The following CPQ variants were observed in gnomAD, a reference collection of about 807,000 sequenced individuals.
CPQ encodes the protein Ser-Met dipeptidase.
CPQ carries 37 observed loss-of-function variants against 45.7 expected under a neutral mutation model. The observed-to-expected ratio is 0.81, with a 90% confidence interval of 0.62 to 1.07. The LOEUF (loss-of-function observed/expected upper bound fraction) is 1.07. CPQ is among the 50% of genes least tolerant of loss of function. The pLI is 0.00. For missense variants in CPQ, 537 were observed against 572.9 expected, an observed-to-expected ratio of 0.94 and a Z score of 0.64; for synonymous variants, 186 against 205.8, an observed-to-expected ratio of 0.90 and a Z score of 0.82.
At chr8:96,730,969 G>T (rs1809906793) in intron 1 of CPQ, among the ~76,000 whole-genome samples, 2 of 147,988 alleles carry the variant, frequency 1.4e-5, no homozygotes, top group South Asian at 4.3e-4. Flanking sequence ...GCATAAAAAA[G>T]ATTAAAGTGG....
At chr8:97,117,996 A>C (rs755447873) in intron 7 of CPQ, among the ~76,000 whole-genome samples, 3 of 152,202 alleles carry the variant, frequency 2.0e-5, no homozygotes, top group Non-Finnish European at 2.9e-5. Flanking sequence ...TGAAGATGTT[A>C]TCTTCAGGCT....
At chr8:96,848,819 C>T (rs1254325292) in intron 3 of CPQ, among the ~76,000 whole-genome samples, 1 of 152,110 alleles carries the variant, frequency 6.6e-6, no homozygotes, top group Non-Finnish European at 1.5e-5. Context: ...TCTAGATCCT[C>T]GTTTTTAGTG....
At chr8:97,081,334 G>A (rs1268937942) in intron 7 of CPQ, among the ~76,000 whole-genome samples, 2 of 152,134 alleles carry the variant, frequency 1.3e-5, no homozygotes, top group African/African-American at 2.4e-5. Context: ...TTTGGCTTGT[G>A]AGCTTCAGTT....
chr8:96,842,116 G>A (rs1811620740), intron 3 of CPQ, among the ~76,000 whole-genome samples: 1 of 152,162 alleles, frequency 6.6e-6, no homozygotes, highest in African/African-American at 2.4e-5. Context: ...AATGTCTTAA[G>A]AGGTCTATTT....
At chr8:96,959,134 G>A (rs1586467484) in intron 4 of CPQ, among the ~76,000 whole-genome samples, 1 of 152,228 alleles carries the variant, frequency 6.6e-6, no homozygotes, top group Admixed American at 6.5e-5. Context: ...TGAAAGCCAA[G>A]GCTTTGTCTC....
intron 7 of CPQ, among the ~76,000 whole-genome samples, chr8:97,079,759 T>G (rs934175547): frequency 1.3e-5 from 2 of 152,138 alleles, no homozygotes; most frequent in Admixed American, 6.6e-5. Context: ...TAATAAAATG[T>G]GCTGGATGTA....
chr8:96,715,227 TG>T (rs1311332936), intron 1 of CPQ, among the ~76,000 whole-genome samples: 1 of 152,136 alleles, frequency 6.6e-6, no homozygotes, highest in Admixed American at 6.5e-5. Context: ...TAGAGGAGGC[TG>T]GGGGAGCTCT....
intron 4 of CPQ, among the ~76,000 whole-genome samples, chr8:96,955,157 C>G (rs927580364): frequency 2.0e-5 from 3 of 152,030 alleles, no homozygotes; most frequent in African/African-American, 7.2e-5. Context: ...GTTCTAGATC[C>G]CTGAGGAATC....
At chr8:96,793,338 G>A (rs374914119) in intron 2 of CPQ, among the ~76,000 whole-genome samples, 1 of 152,122 alleles carries the variant, frequency 6.6e-6, no homozygotes, top group African/African-American at 2.4e-5. Flanking sequence ...CCTCACAATC[G>A]TGGCAGAAAG....
intron 3 of CPQ, among the ~76,000 whole-genome samples, chr8:96,851,553 A>G (rs908981448): frequency 2.6e-5 from 4 of 152,188 alleles, no homozygotes; most frequent in African/African-American, 9.7e-5. Context: ...TCACATGTGG[A>G]AGAACAGAGG....
At chr8:96,853,879 C>G (rs1435571470) in intron 3 of CPQ, among the ~76,000 whole-genome samples, 1 of 152,098 alleles carries the variant, frequency 6.6e-6, no homozygotes, top group African/African-American at 2.4e-5. Context: ...TAACGCCATA[C>G]TTATCTGGAG....
chr8:97,060,559 T>C (rs1190208390), intron 6 of CPQ, among the ~76,000 whole-genome samples: 1 of 152,072 alleles, frequency 6.6e-6, no homozygotes, highest in African/African-American at 2.4e-5. Context: ...AAATAGGGGG[T>C]TTACAGATAA....
chr8:96,797,918 G>A lies in CPQ; in HGVS notation c.433+12588G>A, dbSNP rs113387035. Reference sequence around the variant, plus strand: ...TACAAAAAATTAGCCAGGCGTTGTGGCAGGTGCCTGTAGTCCCAGCTACTC... The same window carrying A: ...TACAAAAAATTAGCCAGGCGTTGTGACAGGTGCCTGTAGTCCCAGCTACTC... On this transcript the variant is annotated intron_variant, in intron 2 of 7. Transcript: ENST00000220763. Among the ~76,000 whole-genome samples the A allele has an allele frequency of 2.1e-3, 326 of 152,104 alleles. 2 individuals carry two copies. Among genetic ancestry groups the A allele is most frequent in the African/African-American group, 6.8e-3 (282 of 41,512 alleles).
At chr8:97,113,455 A>C (rs1811532626) in intron 7 of CPQ, among the ~76,000 whole-genome samples, 1 of 152,232 alleles carries the variant, frequency 6.6e-6, no homozygotes, top group Admixed American at 6.5e-5. Context: ...AAAGCAAATA[A>C]TTAGAATATA....
chr8:96,949,100 C>T (rs1431250552), intron 4 of CPQ, among the ~76,000 whole-genome samples: 1 of 151,992 alleles, frequency 6.6e-6, no homozygotes, highest in Non-Finnish European at 1.5e-5. Flanking sequence ...TTCAGCTACT[C>T]TATGTCTTTG....
rs780021360 is a variant in CPQ at position 97,066,199 on chromosome 8, C to A, written c.1244C>A (p.Ala415Asp). ...ACAGACATCAACTTTTGGATCCAAG[C>A]TGGAGTGCCTGGTAAGACCAAAAGA... ...EGTDINFWIQ[A>D]GVPGASLLDD... The change falls in exon 7 of 8, where the codon GCT becomes GAT. Residue 415 changes from alanine (A) to aspartate (D), a missense_variant. Physicochemically the swap from Ala to Asp is moderately radical, Grantham distance 126. Transcript: ENST00000220763. The A allele has an allele frequency of 3.1e-6, 5 of 1,608,916 alleles. No individual in the cohort carries two copies. In the African/African-American group the frequency reaches 6.7e-5, roughly 22 times the overall value.
At chr8:97,024,534 T>C (rs146578817) in intron 5 of CPQ, among the ~76,000 whole-genome samples, 9 of 152,306 alleles carry the variant, frequency 5.9e-5, no homozygotes, top group African/African-American at 2.2e-4. Context: ...CTGTTCTGCC[T>C]TTAAAGAGAA....
intron 2 of CPQ, among the ~76,000 whole-genome samples, chr8:96,812,938 G>A (rs1449283612): frequency 1.3e-5 from 2 of 151,666 alleles, no homozygotes; most frequent in African/African-American, 2.4e-5. Context: ...AAGCCTGACA[G>A]TGATATGGGT....
intron 1 of CPQ, among the ~76,000 whole-genome samples, chr8:96,727,475 A>T (rs921641678): frequency 6.6e-6 from 1 of 152,064 alleles, no homozygotes; most frequent in African/African-American, 2.4e-5. Flanking sequence ...GTTTTATCTC[A>T]TCTCACTGCT....
Sources: gnomAD v4.1 joint callset for allele counts (sites outside exome capture counted in the v4.1 genomes callset) on GRCh38, gnomAD v4.1.1 for gene constraint, MANE v1.5 for transcripts, NCBI Gene and HGNC (gene_info 2026-07-23, HGNC 2026-07-21) for gene names.